The following LACRT variants were observed in gnomAD, a reference collection of about 807,000 sequenced individuals.
LACRT encodes the protein extracellular glycoprotein lacritin.
Under a neutral mutation model 14.5 loss-of-function variants are expected in LACRT, and 14 were observed. The observed-to-expected ratio is 0.96, with a 90% CI of 0.64 to 1.51. The LOEUF is 1.51. LACRT is among the 40% of genes most tolerant of loss of function. LACRT has a pLI of 0.00. For missense variants in LACRT, 156 were observed against 161.8 expected (o/e 0.96, Z 0.19); for synonymous variants, 70 against 63.5 (o/e 1.10, Z -0.48).
intron 3 of LACRT, 23 bp from the exon 4 acceptor site, chr12:54,631,862 A>T: frequency 6.4e-7 from 1 of 1,552,128 alleles, no homozygotes; most frequent in South Asian, 1.1e-5. Flanking sequence ...CAGAACAATC[A>T]CATCAGCAGA....
chr12:54,631,491 T>C (rs184561109), intron 4 of LACRT, among the ~76,000 whole-genome samples: 145 of 152,340 alleles, frequency 9.5e-4, no homozygotes, highest in Non-Finnish European at 1.1e-3. Context: ...TCCACCTGCC[T>C]TGGCCTCCCA....
chr12:54,631,759 C>G lies in LACRT; in HGVS notation c.334G>C (p.Gly112Arg), dbSNP rs991540500. 29 of 1,613,486 alleles carry G rather than the reference C, an allele frequency of 1.8e-5. No homozygotes were observed. Among genetic ancestry groups the G allele is most frequent in the African/African-American group, 2.7e-5 (2 of 74,922 alleles). Residue 112 changes from glycine (G) to arginine (R), a missense_variant, in exon 4 of 5, where the codon GGT becomes CGT. By Grantham distance (125) the Gly-to-Arg change is moderately radical. Coordinates refer to ENST00000257867, the MANE Select transcript of LACRT (RefSeq NM_033277.2). ...AGKGMHGGVP[G>R]GKQFIENGSE... Reference sequence around the variant, plus strand: ...TCACTTTCGATGAATTGTTTTCCACCTGGCACGCCTCCGTGCATTCCTTTT... The same window carrying G: ...TCACTTTCGATGAATTGTTTTCCACGTGGCACGCCTCCGTGCATTCCTTTT...
chr12:54,634,012 A>T (rs1958170879), intron 1 of LACRT, among the ~76,000 whole-genome samples: 1 of 152,122 alleles, frequency 6.6e-6, no homozygotes, highest in Non-Finnish European at 1.5e-5. Context: ...CTGATGTTCA[A>T]GGAACAGCAG....
At chr12:54,631,291 G>C (rs539058915) in intron 4 of LACRT, among the ~76,000 whole-genome samples, 1 of 152,222 alleles carries the variant, frequency 6.6e-6, no homozygotes, top group Non-Finnish European at 1.5e-5. Context: ...CCAGGATGGA[G>C]TGCAGTGGCA....
chr12:54,634,351 C>CA (rs10561513), intron 1 of LACRT, among the ~76,000 whole-genome samples: 6,984 of 94,814 alleles, frequency 0.074, 217 homozygotes, highest in South Asian at 0.14. Flanking sequence ...GACTCGGTCT[C>CA]AAAAAAAAAA....
intron 3 of LACRT, 158 bp downstream of exon 3, chr12:54,632,083 G>T: frequency 1.3e-6 from 1 of 792,586 alleles, no homozygotes; most frequent in Non-Finnish European, 2.1e-6. Flanking sequence ...AAAACGTTGT[G>T]TGTGGGTGCA....
chr12:54,632,024 G>A, intron 3 of LACRT, 185 bp from the exon 4 acceptor site: 1 of 681,888 alleles, frequency 1.5e-6, no homozygotes, highest in South Asian at 1.9e-5. Flanking sequence ...AGTTGTGTGA[G>A]CCAGGACAGA....
In LACRT at chr12:54,631,731, C is replaced by T; in HGVS notation, c.355+7G>A. ...TCCCACAAAGCCTTGCCTTGGGATGCACTCACTTTCGATGAATTGTTTTCC... is the reference window on the plus strand; with the variant it reads ...TCCCACAAAGCCTTGCCTTGGGATGTACTCACTTTCGATGAATTGTTTTCC... On this transcript the variant is annotated splice_region_variant and intron_variant, in intron 4 of 4. Coordinates refer to ENST00000257867, the MANE Select transcript of LACRT (RefSeq NM_033277.2). The T allele has an allele frequency of 1.2e-6, 2 of 1,601,686 alleles. No homozygotes were observed. The highest frequency in any genetic ancestry group is 1.7e-6 in the Non-Finnish European group (2 of 1,168,582).
chr12:54,631,539 C>A (rs1329152868), intron 4 of LACRT, among the ~76,000 whole-genome samples, 199 bp downstream of exon 4: 1 of 152,210 alleles, frequency 6.6e-6, no homozygotes, highest in Non-Finnish European at 1.5e-5. Context: ...CCGTGCCCAG[C>A]TGGCAATTTG....
At position 54,632,372 on chromosome 12, in the gene LACRT, T is replaced by C; in HGVS notation, c.122A>G (p.Asn41Ser). Residue 41 changes from asparagine (N) to serine (S), a missense_variant, in exon 3 of 5, where the codon AAT becomes AGT. Transcript: ENST00000257867. ...PAQEAGTSKP[N>S]EEISGPAEPA... Reference sequence around the variant, plus strand: ...TTCTGCTGGACCTGAGATCTCTTCATTAGGCTTAGCTGTGAATGCACAAAT... The same window carrying C: ...TTCTGCTGGACCTGAGATCTCTTCACTAGGCTTAGCTGTGAATGCACAAAT... 1 of 1,614,058 alleles carries C rather than the reference T, an allele frequency of 6.2e-7. No homozygotes were observed. Among genetic ancestry groups the C allele is most frequent in the South Asian group, 1.1e-5 (1 of 91,066 alleles).
At chr12:54,632,156 T>C in intron 3 of LACRT, 85 bp downstream of exon 3, 1 of 1,508,326 alleles carries the variant, frequency 6.6e-7, no homozygotes, top group South Asian at 1.2e-5. Context: ...CTCACCAGGC[T>C]TATCTCTGTG....
chr12:54,631,020 C>G lies in LACRT; in HGVS notation c.356-67G>C, dbSNP rs1958149263. ...GGCACCAGCTCCACCCCTTCCATTT[C>G]TCCTCAATTCCATCTCTGCTTTCCA... On this transcript the variant is annotated intron_variant, in intron 4 of 4. Coordinates refer to ENST00000257867, the MANE Select transcript of LACRT (RefSeq NM_033277.2). The G allele has an allele frequency of 4.2e-6, 4 of 950,536 alleles. No homozygotes were observed. The East Asian group carries it at 9.7e-5, about 23-fold the overall frequency. The allele number at this position is 950,536 out of a possible 1,614,324, so 58.9% of individuals were successfully genotyped here. A position where few individuals can be genotyped will look rare whatever the true frequency, so the allele number is the denominator to read the frequency against.
intron 2 of LACRT, 68 bp from the exon 3 acceptor site, chr12:54,632,449 G>A: frequency 1.3e-6 from 2 of 1,585,262 alleles, no homozygotes; most frequent in Non-Finnish European, 1.7e-6. Context: ...ATGGGTTGCA[G>A]GGCCCCAGGA....
In LACRT at chr12:54,632,232, G is replaced by A. The variant is rs776418106; in HGVS notation, c.253+9C>T. 6.2e-6 allele frequency: 10 copies of A among 1,613,998 alleles called. No individual in the cohort carries two copies. In the Admixed American group the frequency reaches 1.5e-4, roughly 24 times the overall value. ...AGGTTGTTGATCTGGCATAGAGACA[G>A]AGACTTACTCAGGGGGTTTAGTTCC... is the stretch of plus-strand genomic sequence containing the variant. On this transcript the variant is annotated intron_variant, in intron 3 of 4. Coordinates refer to ENST00000257867, the MANE Select transcript of LACRT (RefSeq NM_033277.2).
chr12:54,631,878 C>T (rs766834653), intron 3 of LACRT, 39 bp from the exon 4 acceptor site: 4 of 1,469,922 alleles, frequency 2.7e-6, no homozygotes, highest in Non-Finnish European at 1.9e-6. Flanking sequence ...GCAGAAAAAT[C>T]ACCTCATTTA....
rs754892388 is a variant in LACRT at position 54,634,870 on chromosome 12, C to G, written c.-29G>C. The stretch of plus-strand genomic sequence containing the variant: ...TTGGGATGAGGAGTGAGTATAACCA[C>G]AGAATCTGCAGAAGGTCTGGGGAAT... On this transcript the variant is annotated 5_prime_UTR_variant, in exon 1 of 5. Transcript: ENST00000257867. 1.9e-5 allele frequency: 30 copies of G among 1,564,624 alleles called. No homozygotes were observed. The highest frequency in any genetic ancestry group is 2.6e-5 in the Non-Finnish European group (29 of 1,135,200).
At chr12:54,631,715 G>A (rs369118530) in intron 4 of LACRT, 23 bp downstream of exon 4, 1 of 1,559,996 alleles carries the variant, frequency 6.4e-7, no homozygotes, top group East Asian at 2.2e-5. Flanking sequence ...TTCCCACAAA[G>A]CCTTGCCTTG....
At position 54,632,324 on chromosome 12, in the gene LACRT, G is replaced by T. The variant is rs1302969393; in HGVS notation, c.170C>A (p.Thr57Asn). The change falls in exon 3 of 5, where the codon ACC (threonine) becomes AAC (asparagine). Residue 57 changes from threonine (T) to asparagine (N), a missense_variant. Coordinates refer to ENST00000257867, the MANE Select transcript of LACRT (RefSeq NM_033277.2). ...PAEPASPPET[T>N]TTAQETSAAA... is the part of the protein sequence containing the mutation. ...CGCCGAAGTCTCCTGGGCTGTTGTG[G>T]TTGTCTCTGGGGGTGAAGCTGGTTC... The T allele has an allele frequency of 6.2e-7, 1 of 1,614,150 alleles. No individual in the cohort carries two copies. Among genetic ancestry groups the T allele is most frequent in the Middle Eastern group, 1.6e-4 (1 of 6,062 alleles).
chr12:54,631,816 A>T lies in LACRT; in HGVS notation c.277T>A (p.Leu93Ile). Residue 93 changes from leucine (L) to isoleucine (I), a missense_variant, in exon 4 of 5, where the codon TTA (leucine) becomes ATA (isoleucine). Transcript: ENST00000257867. ...TTTGCAAGGGCTTGTTCTGTTAGTA[A>T]GATACTTTTCTCCACTATGGATTCT... The part of the protein sequence containing the change: ...PLKSIVEKSI[L>I]LTEQALAKAG... 6.2e-7 allele frequency: 1 copy of T among 1,613,634 alleles called. No individual in the cohort carries two copies. Among genetic ancestry groups the T allele is most frequent in the Non-Finnish European group, 8.5e-7 (1 of 1,179,542 alleles).
Sources: gnomAD v4.1 joint callset for allele counts (sites outside exome capture counted in the v4.1 genomes callset) on GRCh38, gnomAD v4.1.1 for gene constraint, MANE v1.5 for transcripts, NCBI Gene and HGNC (gene_info 2026-07-23, HGNC 2026-07-21) for gene names.